The following DISC1 variants were observed in gnomAD, a reference collection of about 807,000 sequenced individuals.
The protein encoded by DISC1 is disrupted in schizophrenia 1 protein.
Under a neutral mutation model 84.5 loss-of-function variants are expected in DISC1, and 57 were observed. The ratio of observed to expected loss-of-function variants is 0.67; its 90% confidence interval spans 0.55 to 0.84. The LOEUF (loss-of-function observed/expected upper bound fraction) is 0.84, where lower values mean the gene tolerates loss of function less well. Among genes scored for constraint, DISC1 ranks in the 40% least tolerant of loss-of-function variants. DISC1 has a pLI of 0.00. For synonymous variants in DISC1, 411 were observed against 415.2 expected, an observed-to-expected ratio of 0.99 and a Z score of 0.12; for missense variants, 1,000 against 1,057.8, an observed-to-expected ratio of 0.95 and a Z score of 0.76.
chr1:231,828,587 T>G (rs2082019731), intron 9 of DISC1, among the ~76,000 whole-genome samples: 1 of 152,218 alleles, frequency 6.6e-6, no homozygotes, highest in South Asian at 2.1e-4. Flanking sequence ...AGGATAAAAT[T>G]TTAATTTATT....
At chr1:231,680,119 T>G (rs961287435) in intron 1 of DISC1, among the ~76,000 whole-genome samples, 1 of 152,102 alleles carries the variant, frequency 6.6e-6, no homozygotes, top group South Asian at 2.1e-4. Flanking sequence ...TCCCAGCTAC[T>G]TGGGAGGCTG....
Position 232,039,237 on chromosome 1 carries a change from T to G in DISC1, c.*2406T>G, listed in dbSNP as rs1382258984. 3 of 152,190 alleles carry G rather than the reference T, an allele frequency of 2.0e-5. No individual in the cohort carries two copies. The highest frequency in any genetic ancestry group is 4.4e-5 in the Non-Finnish European group (3 of 68,034). The allele number at this position is 152,190 out of a possible 1,614,324, so 9.4% of individuals were successfully genotyped here. On this transcript the variant is annotated 3_prime_UTR_variant, in exon 13 of 13. Coordinates refer to ENST00000439617, the MANE Select transcript of DISC1 (RefSeq NM_018662.3). ...TGGGAAGAGTCAGGATTGGCCACAT[T>G]GCCAATAACAAATTCCTACTTCGAC...
intron 10 of DISC1, among the ~76,000 whole-genome samples, chr1:232,001,657 A>T (rs1019746557): frequency 6.6e-6 from 1 of 152,210 alleles, no homozygotes; most frequent in South Asian, 2.1e-4. Flanking sequence ...TTTTTAACAA[A>T]TGGAGCTGGA....
rs546401661 is a variant in DISC1 at position 231,683,371 on chromosome 1, T to C, written c.68-10455T>C. 3.9e-5 allele frequency among the ~76,000 whole-genome samples: 6 copies of C among 152,064 alleles called. No homozygotes were observed. In the South Asian group the frequency reaches 6.2e-4, roughly 16 times the overall value. On this transcript the variant is annotated intron_variant, in intron 1 of 12. Transcript: ENST00000439617. ...AGGCCCATCCCTCGATGTTGTAATT[T>C]CATCAGTCTTGGTTGTGATCTGAAC...
chr1:231,666,591 C>G (rs1220885890), intron 1 of DISC1, among the ~76,000 whole-genome samples: 2 of 152,138 alleles, frequency 1.3e-5, no homozygotes, highest in African/African-American at 4.8e-5. Flanking sequence ...GCAAAATAAG[C>G]TGAGAGAAGC....
chr1:231,776,051 G>A (rs2076939706), intron 6 of DISC1, among the ~76,000 whole-genome samples: 1 of 152,148 alleles, frequency 6.6e-6, no homozygotes, highest in African/African-American at 2.4e-5. Flanking sequence ...CGTAAATTGA[G>A]GAGAATGGTG....
intron 4 of DISC1, among the ~76,000 whole-genome samples, chr1:231,763,076 T>C (rs1230425178): frequency 6.6e-6 from 1 of 150,906 alleles, no homozygotes; most frequent in Non-Finnish European, 1.5e-5. Flanking sequence ...AAACAATGGG[T>C]GTGTGTGGAT....
chr1:231,914,161 C>G (rs934804417), intron 9 of DISC1, among the ~76,000 whole-genome samples: 1 of 152,166 alleles, frequency 6.6e-6, no homozygotes, highest in Non-Finnish European at 1.5e-5. Context: ...ACGGCTGCCC[C>G]ACCTGTGACA....
intron 4 of DISC1, among the ~76,000 whole-genome samples, chr1:231,765,531 T>A (rs2076110433): frequency 6.6e-6 from 1 of 152,212 alleles, no homozygotes; most frequent in Admixed American, 6.5e-5. Flanking sequence ...TTAGTTTTAG[T>A]TGATGGTGTT....
chr1:231,886,809 TTC>T (rs1558692349), intron 9 of DISC1, among the ~76,000 whole-genome samples: 1 of 144,774 alleles, frequency 6.9e-6, no homozygotes, highest in African/African-American at 2.6e-5. Flanking sequence ...CTTTCTTTCT[TTC>T]TTTCTTTCTT....
chr1:231,911,061 A>G (rs1200711184), intron 9 of DISC1, among the ~76,000 whole-genome samples: 1 of 152,090 alleles, frequency 6.6e-6, no homozygotes, highest in Non-Finnish European at 1.5e-5. Context: ...TTTTGAGCCT[A>G]TGTGTGTCTC....
intron 9 of DISC1, among the ~76,000 whole-genome samples, chr1:231,919,727 T>C (rs1204740993): frequency 6.6e-6 from 1 of 152,238 alleles, no homozygotes; most frequent in Non-Finnish European, 1.5e-5. Context: ...TAATAGCTAT[T>C]GTGGTCTCAC....
At position 231,649,481 on chromosome 1, in the gene DISC1, G is replaced by T. The variant is rs139237312; in HGVS notation, c.67+22547G>T. ...TGAGGAGTGCTTTACTTCCAATTATGTGGTCAGTTTTGGAATAAGTGCAAT... is the reference window on the plus strand; with the variant it reads ...TGAGGAGTGCTTTACTTCCAATTATTTGGTCAGTTTTGGAATAAGTGCAAT... On this transcript the variant is annotated intron_variant, in intron 1 of 12. Coordinates refer to ENST00000439617, the MANE Select transcript of DISC1 (RefSeq NM_018662.3). 9.2e-3 allele frequency among the ~76,000 whole-genome samples: 1,397 copies of T among 152,276 alleles called. 26 individuals are homozygous for T. The highest frequency in any genetic ancestry group is 0.032 in the African/African-American group (1,349 of 41,548).
chr1:231,681,714 A>G (rs1296842657), intron 1 of DISC1, among the ~76,000 whole-genome samples: 5 of 150,780 alleles, frequency 3.3e-5, no homozygotes, highest in Non-Finnish European at 1.5e-5. Context: ...TTTTTTTTTT[A>G]GAAGGAGTTT....
chr1:231,945,142 A>T (rs1656910574), intron 9 of DISC1: 1 of 152,188 alleles, frequency 6.6e-6, no homozygotes, highest in African/African-American at 2.4e-5. Flanking sequence ...TTAATCCATC[A>T]CATAAATACC....
intron 3 of DISC1, among the ~76,000 whole-genome samples, chr1:231,733,069 T>G: frequency 1.7e-4 from 1 of 6,016 alleles, no homozygotes; most frequent in African/African-American, 5.3e-4. Context: ...GGAGTGGTAG[T>G]GGTGGTAATG....
intron 9 of DISC1, among the ~76,000 whole-genome samples, chr1:231,838,105 C>T (rs1189517150): frequency 6.6e-6 from 1 of 152,172 alleles, no homozygotes; most frequent in East Asian, 1.9e-4. Context: ...TGAAATTTCT[C>T]ACTTGGGAGA....
intron 3 of DISC1, among the ~76,000 whole-genome samples, chr1:231,713,246 G>A (rs1201115081): frequency 6.6e-6 from 1 of 152,020 alleles, no homozygotes; most frequent in African/African-American, 2.4e-5. Flanking sequence ...ATATCACAAG[G>A]CATACAAAGG....
chr1:232,004,934 A>T (rs1220694107), intron 10 of DISC1, among the ~76,000 whole-genome samples: 4 of 93,034 alleles, frequency 4.3e-5, no homozygotes, highest in South Asian at 8.2e-4. Context: ...CCTTCCTTCC[A>T]TCCTTCTTCC....
Sources: allele counts gnomAD v4.1 joint callset (sites outside exome capture counted in the v4.1 genomes callset), GRCh38; gene constraint gnomAD v4.1.1; transcripts MANE v1.5; gene names NCBI Gene and HGNC (gene_info 2026-07-23, HGNC 2026-07-21).